BMS1: variants seen among roughly 807,000 people sequenced by gnomAD.
The protein encoded by BMS1 is ribosome biogenesis protein BMS1 homolog.
BMS1 carries 53 observed loss-of-function variants against 138.7 expected under a neutral mutation model. The observed-to-expected ratio is 0.38, with a 90% confidence interval of 0.31 to 0.48. The LOEUF (loss-of-function observed/expected upper bound fraction) is 0.48, where lower values mean the gene tolerates loss of function less well. BMS1 is among the 20% of genes least tolerant of loss of function. The pLI, the probability that BMS1 is intolerant of heterozygous loss-of-function variation, is 0.97. For missense variants in BMS1, 1,360 were observed against 1,565.5 expected (o/e 0.87, Z 2.22); for synonymous variants, 504 against 539.9 (o/e 0.93, Z 0.92).
chr10:42,804,305 T>C (rs890184165), intron 13 of BMS1, among the ~76,000 whole-genome samples: 10 of 152,222 alleles, frequency 6.6e-5, no homozygotes, highest in Admixed American at 2.0e-4. Flanking sequence ...TTTTAAGAAA[T>C]TACCCAACTG....
At chr10:42,790,193 T>A in intron 4 of BMS1, 130 bp from the exon 5 acceptor site, 1 of 806,128 alleles carries the variant, frequency 1.2e-6, no homozygotes, top group Non-Finnish European at 2.1e-6. Flanking sequence ...TTAATGTGGC[T>A]ATGTTCCAAT....
intron 3 of BMS1, 134 bp from the exon 4 acceptor site, chr10:42,787,034 A>G: frequency 1.4e-6 from 1 of 700,910 alleles, no homozygotes; most frequent in Non-Finnish European, 2.5e-6. Context: ...GCCTGTAAAA[A>G]TGAACTTCTT....
At position 42,791,618 on chromosome 10, in the gene BMS1, A is replaced by G. The variant is rs1194345376; in HGVS notation, c.637-9A>G. ...GAAATTTAATTTTTAATTTTCCTCTAATGTTTAGGGTGCCAAGCTGTTCTA... is the reference window on the plus strand; with the variant it reads ...GAAATTTAATTTTTAATTTTCCTCTGATGTTTAGGGTGCCAAGCTGTTCTA... On this transcript the variant is annotated splice_polypyrimidine_tract_variant and intron_variant, in intron 5 of 22. Coordinates refer to ENST00000374518, the MANE Select transcript of BMS1 (RefSeq NM_014753.4). 3.2e-6 allele frequency: 5 copies of G among 1,584,156 alleles called. No homozygotes were observed. The highest frequency in any genetic ancestry group is 1.4e-5 in the African/African-American group (1 of 72,950).
intron 13 of BMS1, among the ~76,000 whole-genome samples, chr10:42,812,260 C>T (rs1197122297): frequency 3.9e-5 from 6 of 152,206 alleles, no homozygotes; most frequent in Non-Finnish European, 8.8e-5. Flanking sequence ...GTTATCCTGG[C>T]TTAACCTCCT....
At chr10:42,820,450 T>G (rs755526256) in intron 16 of BMS1, 26 bp downstream of exon 16, 14 of 1,612,280 alleles carry the variant, frequency 8.7e-6, no homozygotes, top group African/African-American at 1.3e-5. Context: ...ACATATTTGG[T>G]GCCTGAGGCT....
intron 3 of BMS1, 119 bp downstream of exon 3, chr10:42,785,791 C>T (rs1032834140): frequency 3.5e-6 from 4 of 1,148,204 alleles, no homozygotes; most frequent in Middle Eastern, 2.4e-4. Flanking sequence ...TGGGACTTCT[C>T]TTATACTTAG....
chr10:42,788,400 G>T (rs2132297245), intron 4 of BMS1, among the ~76,000 whole-genome samples: 1 of 151,858 alleles, frequency 6.6e-6, no homozygotes, highest in East Asian at 1.9e-4. Context: ...TATTTATGGG[G>T]TACATGTGGT....
intron 2 of BMS1, among the ~76,000 whole-genome samples, chr10:42,785,129 C>T (rs1841286177): frequency 1.3e-5 from 2 of 152,196 alleles, no homozygotes; most frequent in Non-Finnish European, 2.9e-5. Flanking sequence ...CTGCTCTTAT[C>T]TGCTATGATG....
At chr10:42,818,001 T>C (rs116091898) in intron 15 of BMS1, among the ~76,000 whole-genome samples, 1,637 of 152,292 alleles carry the variant, frequency 0.011, 30 homozygotes, top group African/African-American at 0.038. Flanking sequence ...GGAGATGGTG[T>C]GGCCCTCCTG....
At chr10:42,813,575 A>G (rs1296200206) in intron 13 of BMS1, among the ~76,000 whole-genome samples, 1 of 152,076 alleles carries the variant, frequency 6.6e-6, no homozygotes, top group Non-Finnish European at 1.5e-5. Context: ...GTGGTGGTAT[A>G]GTTTTTGTTT....
intron 13 of BMS1, among the ~76,000 whole-genome samples, chr10:42,814,777 G>A (rs1221761533): frequency 6.6e-6 from 1 of 152,164 alleles, no homozygotes; most frequent in Admixed American, 6.5e-5. Context: ...CAGGGGAGCT[G>A]CCCCAGGCTG....
chr10:42,800,820 C>CCCAG (rs1453177249), intron 12 of BMS1, among the ~76,000 whole-genome samples: 1 of 152,174 alleles, frequency 6.6e-6, no homozygotes, highest in Admixed American at 6.5e-5. Context: ...AGCCACTGCA[C>CCCAG]CCAGCCCATG....
rs1841693636 is a variant in BMS1, at chr10:42,796,654, T to C, written c.1410T>C (p.Asn470=). 2 of 1,613,972 alleles carry C rather than the reference T, an allele frequency of 1.2e-6. No individual in the cohort carries two copies. Among genetic ancestry groups the C allele is most frequent in the East Asian group, 2.2e-5 (1 of 44,894 alleles). Residue 470 remains asparagine, a synonymous_variant, in exon 10 of 23, where the codon AAT becomes AAC. Coordinates refer to ENST00000374518, the MANE Select transcript of BMS1 (RefSeq NM_014753.4). ...SSDEEAEEEE[N]AEMTDQYMAV... ...ATGAGGAAGCAGAAGAGGAGGAAAA[T>C]GCTGAGATGACTGATCAGTATATGG...
rs142984592 is a variant in BMS1, at chr10:42,787,380, A to G, written c.447+133A>G. 724 of 731,430 alleles carry G rather than the reference A, an allele frequency of 9.9e-4. 8 individuals carry two copies. In the East Asian group the frequency reaches 0.017, roughly 17 times the overall value. 45.3% of individuals were successfully genotyped at this position (731,430 alleles called of 1,614,324 possible). On this transcript the variant is annotated intron_variant, in intron 4 of 22. Coordinates refer to ENST00000374518, the MANE Select transcript of BMS1 (RefSeq NM_014753.4). ...ATGGTCATCATCAGTGATACGGTAG[A>G]TATGATTGAATTGATGATAATTATG...
At chr10:42,792,686 C>G (rs567301305) in intron 7 of BMS1, 72 bp downstream of exon 7, 62 of 1,550,160 alleles carry the variant, frequency 4.0e-5, no homozygotes, top group Non-Finnish European at 4.8e-5. Flanking sequence ...CTCAGGAAAA[C>G]TGAAAAATGA....
At chr10:42,820,164 A>G in intron 15 of BMS1, 72 bp from the exon 16 acceptor site, 1 of 1,554,128 alleles carries the variant, frequency 6.4e-7, no homozygotes, top group East Asian at 2.2e-5. Flanking sequence ...GAAATTGCTC[A>G]TTTGTTCATG....
intron 1 of BMS1, among the ~76,000 whole-genome samples, 188 bp downstream of exon 1, chr10:42,783,018 C>CT (rs1841203799): frequency 6.6e-6 from 1 of 151,822 alleles, no homozygotes; most frequent in African/African-American, 2.4e-5. Context: ...GTGATGAATC[C>CT]CTGCAGAGAG....
chr10:42,828,344 T>G (rs570370616), intron 21 of BMS1, among the ~76,000 whole-genome samples: 1 of 152,264 alleles, frequency 6.6e-6, no homozygotes, highest in African/African-American at 2.4e-5. Context: ...ATTTATCCAT[T>G]GATGGGTAAA....
chr10:42,822,443 C>T (rs1842528144), intron 19 of BMS1, among the ~76,000 whole-genome samples: 1 of 152,242 alleles, frequency 6.6e-6, no homozygotes, highest in South Asian at 2.1e-4. Flanking sequence ...TCATATTGAA[C>T]TCATATTGAA....
Sources: gnomAD v4.1 joint callset for allele counts (sites outside exome capture counted in the v4.1 genomes callset) on GRCh38, gnomAD v4.1.1 for gene constraint, MANE v1.5 for transcripts, NCBI Gene and HGNC (gene_info 2026-07-23, HGNC 2026-07-21) for gene names.